The following CER1 variants were observed in gnomAD, a reference collection of about 807,000 sequenced individuals.
CER1 encodes the protein cerberus.
A neutral mutation model predicts 11.8 loss-of-function variants in CER1; 10 were observed. The ratio of observed to expected loss-of-function variants is 0.85; its 90% confidence interval spans 0.52 to 1.44. The LOEUF (loss-of-function observed/expected upper bound fraction) is 1.44, where lower values mean the gene tolerates loss of function less well. Among genes scored for constraint, CER1 ranks in the 40% most tolerant of loss-of-function variants. CER1 has a pLI of 0.00. For missense variants in CER1, 431 were observed against 327.0 expected (o/e 1.32, Z -2.45); for synonymous variants, 141 against 122.3 (o/e 1.15, Z -1.01).
chr9:14,721,607 T>C (rs1840013164), intron 1 of CER1, among the ~76,000 whole-genome samples: 1 of 152,216 alleles, frequency 6.6e-6, no homozygotes, highest in Non-Finnish European at 1.5e-5. Flanking sequence ...GGGATAGCTT[T>C]AGCAAGCTAT....
At chr9:14,717,939 AAGAC>A (rs779437729), downstream of CER1, among the ~76,000 whole-genome samples, 1 of 152,304 alleles carries the variant, frequency 6.6e-6, no homozygotes, top group Non-Finnish European at 1.5e-5. Context: ...CTTCTTGTAA[AAGAC>A]AGCACAGTAT....
At chr9:14,721,442 C>G (rs1184640201) in intron 1 of CER1, among the ~76,000 whole-genome samples, 1 of 152,066 alleles carries the variant, frequency 6.6e-6, no homozygotes, top group East Asian at 1.9e-4. Flanking sequence ...GAGAAAGGTA[C>G]TTCTAAGGGG....
rs536069849 is a variant in CER1, at chr9:14,721,863, G to A, written c.507+303C>T. On this transcript the variant is annotated intron_variant, in intron 1 of 1. Coordinates refer to ENST00000380911, the MANE Select transcript of CER1 (RefSeq NM_005454.3). ...ACAGTCTGACTTATATCTCTGAGTA[G>A]ATCACCTCCAATGCAAAAATAAATA... Among the ~76,000 whole-genome samples the A allele has an allele frequency of 2.6e-5, 4 of 152,174 alleles. No individual in the cohort carries two copies. In the East Asian group the frequency reaches 5.8e-4, roughly 22 times the overall value.
chr9:14,719,534 CCT>C (rs1406383224), downstream of CER1, among the ~76,000 whole-genome samples: 85 of 68,162 alleles, frequency 1.2e-3, no homozygotes, highest in African/African-American at 5.7e-3. Flanking sequence ...TGCGTGCCTG[CCT>C]GCCTGCCTGC....
Position 14,722,611 on chromosome 9 carries a change from T to C in CER1, c.62A>G (p.Gln21Arg). ...AGAACTCTGATTCTGGCGGCCATCC[T>C]GGTGCCGTGTGGTCTTTCCTAGAGG... ...LLPLGKTTRH[Q>R]DGRQNQSSLS... is the part of the protein sequence containing the mutation. Residue 21 changes from glutamine to arginine, a missense_variant, in exon 1 of 2, where the codon CAG becomes CGG. Coordinates refer to ENST00000380911, the MANE Select transcript of CER1 (RefSeq NM_005454.3). 1.2e-6 allele frequency: 2 copies of C among 1,608,836 alleles called. No individual in the cohort carries two copies. The highest frequency in any genetic ancestry group is 1.7e-6 in the Non-Finnish European group (2 of 1,179,946).
Position 14,722,297 on chromosome 9 carries a change from G to A in CER1, c.376C>T (p.Leu126Phe). The change falls in exon 1 of 2, where the codon CTT becomes TTT. Residue 126 changes from leucine (L) to phenylalanine (F), a missense_variant. Transcript: ENST00000380911. ...IDGMKMEKSP[L>F]REEAKKFWHH... ...CAGAATTTCTTGGCTTCTTCCCGAAGAGGAGATTTCTCCATTTTCATTCCA... is the reference window on the plus strand; with the variant it reads ...CAGAATTTCTTGGCTTCTTCCCGAAAAGGAGATTTCTCCATTTTCATTCCA... 6.2e-7 allele frequency: 1 copy of A among 1,614,176 alleles called. No individual in the cohort carries two copies. Among genetic ancestry groups the A allele is most frequent in the Non-Finnish European group, 8.5e-7 (1 of 1,180,018 alleles).
downstream of CER1, among the ~76,000 whole-genome samples, chr9:14,718,750 G>A (rs570408738): frequency 5.9e-5 from 9 of 152,238 alleles, no homozygotes; most frequent in African/African-American, 2.2e-4. Context: ...CTGGGAAAAG[G>A]CAGTTCTGTA....
rs1839983409 is a variant in CER1 at position 14,719,906 on chromosome 9, C to T, written c.*184G>A. ...CGGCTAGTTAGTGGCAGAGCTGAGA[C>T]AAGGTCTCAAACGTGTACCAATAAC... On this transcript the variant is annotated 3_prime_UTR_variant, in exon 2 of 2. Coordinates refer to ENST00000380911, the MANE Select transcript of CER1 (RefSeq NM_005454.3). 3.4e-6 allele frequency: 2 copies of T among 587,184 alleles called. No individual in the cohort carries two copies. The highest frequency in any genetic ancestry group is 1.9e-5 in the African/African-American group (1 of 53,786). The allele number at this position is 587,184 out of a possible 1,614,324, so 36.4% of individuals were successfully genotyped here.
Position 14,720,268 on chromosome 9 carries a change from C to CCTGCTCTCCTGTTT in CER1, c.625_626insAAACAGGAGAGCAG (p.Cys209Ter), listed in dbSNP as rs1330374324. 6.2e-7 allele frequency: 1 copy of CCTGCTCTCCTGTTT among 1,614,108 alleles called. No homozygotes were observed. The highest frequency in any genetic ancestry group is 2.2e-5 in the East Asian group (1 of 44,880). Reference sequence around the variant, plus strand: ...CATCGTGGTGAACTTGGCAGGCAAACAGTGAGAGCAGGAGGTATGGGAGTG... The same window carrying CCTGCTCTCCTGTTT: ...CATCGTGGTGAACTTGGCAGGCAAACCTGCTCTCCTGTTTAGTGAGAGCAGGAGGTATGGGAGTG... On this transcript the variant is annotated stop_gained and frameshift_variant, in exon 2 of 2. Transcript: ENST00000380911. LOFTEE classifies it low-confidence loss of function (END_TRUNC).
chr9:14,721,952 T>C (rs530146267), intron 1 of CER1, among the ~76,000 whole-genome samples: 1 of 152,322 alleles, frequency 6.6e-6, no homozygotes, highest in East Asian at 1.9e-4. Flanking sequence ...AGTATCATCA[T>C]ATCATTCTTG....
rs1839987267 is a variant in CER1 at position 14,720,119 on chromosome 9, C to A, written c.775G>T (p.Asp259Tyr). 6.2e-7 allele frequency: 1 copy of A among 1,613,758 alleles called. No homozygotes were observed. The highest frequency in any genetic ancestry group is 1.3e-5 in the African/African-American group (1 of 74,910). Residue 259 changes from aspartate to tyrosine, a missense_variant, in exon 2 of 2, where the codon GAT becomes TAT. By Grantham distance (160) the Asp-to-Tyr change is radical. Transcript: ENST00000380911. Reference sequence around the variant, plus strand: ...GCTGAAACTCCTGGGATAAAGGAATCCTGGGAGCCAGCATGTAGGATGTGT... The same window carrying A: ...GCTGAAACTCCTGGGATAAAGGAATACTGGGAGCCAGCATGTAGGATGTGT... ...DGHILHAGSQ[D>Y]SFIPGVSA
chr9:14,719,966 A>G lies in CER1; in HGVS notation c.*124T>C. The G allele has an allele frequency of 1.2e-6, 1 of 853,940 alleles. No individual in the cohort carries two copies. Among genetic ancestry groups the G allele is most frequent in the Admixed American group, 2.4e-5 (1 of 41,930 alleles). 52.9% of individuals were successfully genotyped at this position (853,940 alleles called of 1,614,324 possible). ...ATCATTTCCTCTATCGTTCTAATTT[A>G]AAACTACGTTTCAAGTCACCTTTCC... On this transcript the variant is annotated 3_prime_UTR_variant, in exon 2 of 2. Transcript: ENST00000380911.
downstream of CER1, among the ~76,000 whole-genome samples, chr9:14,717,358 T>G (rs530118394): frequency 3.5e-4 from 53 of 152,256 alleles, no homozygotes; most frequent in African/African-American, 1.2e-3. Context: ...TTCGTTTATA[T>G]GAATTTCAGT....
chr9:14,718,956 A>C (rs1839968835), downstream of CER1, among the ~76,000 whole-genome samples: 1 of 152,224 alleles, frequency 6.6e-6, no homozygotes, highest in African/African-American at 2.4e-5. Context: ...GAAAAATATA[A>C]GAACATTTTT....
At position 14,722,437 on chromosome 9, in the gene CER1, A is replaced by G; in HGVS notation, c.236T>C (p.Met79Thr). 2.5e-6 allele frequency: 4 copies of G among 1,614,182 alleles called. No homozygotes were observed. The highest frequency in any genetic ancestry group is 1.7e-5 in the Admixed American group (1 of 60,018). The change falls in exon 1 of 2, where the codon ATG becomes ACG. Residue 79 changes from methionine (M) to threonine (T), a missense_variant. Coordinates refer to ENST00000380911, the MANE Select transcript of CER1 (RefSeq NM_005454.3). ...CCAGAACCTGCCAAATCTGGACAGC[A>G]TCTTCTCTCTCTGCCTCTGGCCTTC... ...AGEGQRQREK[M>T]LSRFGRFWKK...
chr9:14,718,826 C>G (rs1372181051), downstream of CER1, among the ~76,000 whole-genome samples: 1 of 152,114 alleles, frequency 6.6e-6, no homozygotes, highest in Admixed American at 6.6e-5. Context: ...CAGAAGGCTG[C>G]TTACAGATCA....
chr9:14,722,029 A>C, intron 1 of CER1, 137 bp downstream of exon 1: 2 of 1,002,682 alleles, frequency 2.0e-6, no homozygotes, highest in Non-Finnish European at 2.9e-6. Flanking sequence ...GCCAAATCCT[A>C]TGATGAATGC....
downstream of CER1, among the ~76,000 whole-genome samples, chr9:14,719,060 T>C (rs568660600): frequency 6.6e-6 from 1 of 152,202 alleles, no homozygotes; most frequent in East Asian, 1.9e-4. Flanking sequence ...AAATTTATAA[T>C]ACAAAGTTTT....
downstream of CER1, among the ~76,000 whole-genome samples, chr9:14,717,703 G>C (rs1010587121): frequency 6.6e-6 from 1 of 152,130 alleles, no homozygotes; most frequent in Non-Finnish European, 1.5e-5. Context: ...AGGAGAGCTA[G>C]GTAAGTGGTA....
Sources: allele counts gnomAD v4.1 joint callset (sites outside exome capture counted in the v4.1 genomes callset), GRCh38; gene constraint gnomAD v4.1.1; transcripts MANE v1.5; gene names NCBI Gene and HGNC (gene_info 2026-07-23, HGNC 2026-07-21).